The following CTNNA2 variants were observed in gnomAD, a reference collection of about 807,000 sequenced individuals.
The protein encoded by CTNNA2 is catenin alpha 2.
CTNNA2 carries 42 observed loss-of-function variants against 101.0 expected under a neutral mutation model. The observed-to-expected ratio is 0.42, with a 90% CI of 0.32 to 0.54. The LOEUF (loss-of-function observed/expected upper bound fraction) is 0.54, where lower values mean the gene tolerates loss of function less well. Ranked by LOEUF, CTNNA2 falls within the 20% of genes least tolerant of loss-of-function variation. CTNNA2 has a pLI of 0.14. For missense variants in CTNNA2, 871 were observed against 1,223.1 expected, an observed-to-expected ratio of 0.71 and a Z score of 4.29; for synonymous variants, 450 against 456.4, an observed-to-expected ratio of 0.99 and a Z score of 0.18.
intron 7 of CTNNA2, among the ~76,000 whole-genome samples, chr2:80,238,039 G>A (rs1039453379): frequency 6.6e-5 from 10 of 151,534 alleles, no homozygotes; most frequent in East Asian, 3.9e-4. Flanking sequence ...TATCTGTGCC[G>A]TCCAAGGACA....
chr2:79,440,189 C>T (rs1307882230), intron 4 of CTNNA2, among the ~76,000 whole-genome samples: 1 of 152,018 alleles, frequency 6.6e-6, no homozygotes, highest in African/African-American at 2.4e-5. Flanking sequence ...ATGATCTCTT[C>T]TTTGCATATT....
chr2:80,119,323 G>A (rs560761916), intron 7 of CTNNA2, among the ~76,000 whole-genome samples: 1 of 152,248 alleles, frequency 6.6e-6, no homozygotes, highest in East Asian at 1.9e-4. Flanking sequence ...GCTAGATTGG[G>A]TCACCAGACT....
chr2:80,053,500 AT>A (rs1308930272), intron 7 of CTNNA2, among the ~76,000 whole-genome samples: 1 of 152,250 alleles, frequency 6.6e-6, no homozygotes, highest in Non-Finnish European at 1.5e-5. Context: ...ACTTAAGGCC[AT>A]TTGTCCTTTC....
chr2:80,117,729 G>T (rs774784855), intron 7 of CTNNA2, among the ~76,000 whole-genome samples: 3 of 152,140 alleles, frequency 2.0e-5, no homozygotes, highest in Non-Finnish European at 2.9e-5. Context: ...AATAGGCAAT[G>T]TGGATCATGC....
chr2:80,633,599 T>G (rs1339229056), intron 18 of CTNNA2, among the ~76,000 whole-genome samples: 1 of 152,168 alleles, frequency 6.6e-6, no homozygotes, highest in Non-Finnish European at 1.5e-5. Flanking sequence ...CTATGGTAGA[T>G]CTGCCTGGTC....
intron 3 of CTNNA2, among the ~76,000 whole-genome samples, chr2:79,800,883 G>A (rs1676101889): frequency 6.6e-6 from 1 of 152,182 alleles, no homozygotes; most frequent in African/African-American, 2.4e-5. Context: ...GATCATTTAG[G>A]TGTCATAGAA....
chr2:79,696,144 A>C (rs1684640289), intron 2 of CTNNA2, among the ~76,000 whole-genome samples: 1 of 152,102 alleles, frequency 6.6e-6, no homozygotes, highest in South Asian at 2.1e-4. Flanking sequence ...AAAGCCAAAA[A>C]CCGAAGCCAA....
chr2:80,490,372 A>G (rs1339826985), intron 9 of CTNNA2, among the ~76,000 whole-genome samples: 9 of 144,140 alleles, frequency 6.2e-5, no homozygotes, highest in Admixed American at 3.0e-4. Flanking sequence ...CAACTCTGTC[A>G]TTTTAGTTCA....
intron 1 of CTNNA2, among the ~76,000 whole-genome samples, chr2:79,617,746 A>C (rs969347465): frequency 6.6e-6 from 1 of 152,166 alleles, no homozygotes; most frequent in Non-Finnish European, 1.5e-5. Flanking sequence ...CCTATTCGTT[A>C]ATGAGAAGCC....
intron 9 of CTNNA2, among the ~76,000 whole-genome samples, chr2:80,496,514 A>ACTAG (rs1010085472): frequency 1.3e-4 from 19 of 151,424 alleles, no homozygotes; most frequent in Non-Finnish European, 2.5e-4. Flanking sequence ...AAGCTCTGCC[A>ACTAG]CTAGCTAGCT....
At chr2:80,239,132 T>C (rs1409201628) in intron 7 of CTNNA2, among the ~76,000 whole-genome samples, 4 of 152,182 alleles carry the variant, frequency 2.6e-5, no homozygotes, top group Admixed American at 1.3e-4. Context: ...CATCCATGTG[T>C]GTATTTAAAG....
chr2:79,523,495 T>A lies in CTNNA2; in HGVS notation c.-6+10288T>A, dbSNP rs571081289. On this transcript the variant is annotated intron_variant, in intron 1 of 18. Coordinates refer to ENST00000402739, the MANE Select transcript of CTNNA2 (RefSeq NM_001282597.3). ...TGTGGTTGTACCATGGTTTATTTAA[T>A]CCTTATTTCCATGTACATTCAGTTT... is the stretch of plus-strand genomic sequence containing the variant. 1.2e-3 allele frequency among the ~76,000 whole-genome samples: 183 copies of A among 152,326 alleles called. 2 individuals carry two copies. The South Asian group carries it at 0.036, about 30-fold the overall frequency.
intron 3 of CTNNA2, among the ~76,000 whole-genome samples, chr2:79,843,581 G>A (rs1266104945): frequency 6.6e-6 from 1 of 152,100 alleles, no homozygotes. Flanking sequence ...TTAAACCTAG[G>A]TTTCTGCTCA....
intron 4 of CTNNA2, among the ~76,000 whole-genome samples, chr2:79,378,042 A>AATT (rs1677998799): frequency 6.6e-6 from 1 of 152,118 alleles, no homozygotes; most frequent in African/African-American, 2.4e-5. Flanking sequence ...CATCCTAATC[A>AATT]ATTAAGTCAA....
chr2:80,043,202 C>G (rs1232421960), intron 7 of CTNNA2, among the ~76,000 whole-genome samples: 4 of 101,226 alleles, frequency 4.0e-5, no homozygotes, highest in African/African-American at 1.4e-4. Flanking sequence ...TTCTTTCTCT[C>G]TCTCTTTTTT....
chr2:80,564,992 A>G (rs1051017362), intron 12 of CTNNA2, among the ~76,000 whole-genome samples: 2 of 152,222 alleles, frequency 1.3e-5, no homozygotes, highest in Non-Finnish European at 2.9e-5. Flanking sequence ...ACATTTTAAA[A>G]AAGCATTTGA....
chr2:79,723,159 C>T (rs1016706243), intron 2 of CTNNA2, among the ~76,000 whole-genome samples: 1 of 127,740 alleles, frequency 7.8e-6, no homozygotes. Flanking sequence ...TTTCCTACCC[C>T]CTATAGACCT....
At position 80,615,303 on chromosome 2, in the gene CTNNA2, A is replaced by G. The variant is rs559848356; in HGVS notation, c.2431-3782A>G. ...TTCCATAAGTCGTTTCTAATTTCCAATGGCAAACAATCAGAGATTCAAAGA... is the reference window on the plus strand; with the variant it reads ...TTCCATAAGTCGTTTCTAATTTCCAGTGGCAAACAATCAGAGATTCAAAGA... On this transcript the variant is annotated intron_variant, in intron 17 of 18. Transcript: ENST00000402739. 2.0e-5 allele frequency among the ~76,000 whole-genome samples: 3 copies of G among 151,704 alleles called. No individual in the cohort carries two copies. In the South Asian group the frequency reaches 6.2e-4, roughly 31 times the overall value.
chr2:79,964,985 T>C (rs897256499), intron 7 of CTNNA2, among the ~76,000 whole-genome samples: 1 of 152,214 alleles, frequency 6.6e-6, no homozygotes, highest in African/African-American at 2.4e-5. Flanking sequence ...ATACCTGAAA[T>C]GTAAATAACA....
Sources: gnomAD v4.1 joint callset for allele counts (sites outside exome capture counted in the v4.1 genomes callset) on GRCh38, gnomAD v4.1.1 for gene constraint, MANE v1.5 for transcripts, NCBI Gene and HGNC (gene_info 2026-07-23, HGNC 2026-07-21) for gene names.